CSGALNACT1: variants seen among roughly 807,000 people sequenced by gnomAD.
The protein encoded by CSGALNACT1 is chondroitin sulfate N-acetylgalactosaminyltransferase 1.
Under a neutral mutation model 51.0 loss-of-function variants are expected in CSGALNACT1, and 52 were observed. That is an observed-to-expected ratio of 1.02 (90% confidence interval 0.82 to 1.29). The LOEUF is 1.29. CSGALNACT1 is among the 50% of genes most tolerant of loss of function. CSGALNACT1 has a pLI of 0.00. For missense variants in CSGALNACT1, 935 were observed against 679.2 expected, an observed-to-expected ratio of 1.38 and a Z score of -4.19; for synonymous variants, 341 against 254.4, an observed-to-expected ratio of 1.34 and a Z score of -3.24.
chr8:19,677,089 A>C (rs190075590), intron 1 of CSGALNACT1, among the ~76,000 whole-genome samples: 115 of 150,032 alleles, frequency 7.7e-4, no homozygotes, highest in African/African-American at 2.2e-3. Context: ...CAGAAGCTAA[A>C]CAGAGGTGGC....
intron 2 of CSGALNACT1, among the ~76,000 whole-genome samples, chr8:19,597,407 C>T (rs1286006061): frequency 3.4e-5 from 5 of 148,030 alleles, no homozygotes; most frequent in Non-Finnish European, 7.4e-5. Flanking sequence ...GCAATCCTCC[C>T]GCCTTTGCTC....
At chr8:19,710,508 A>T (rs968675620) in intron 1 of CSGALNACT1, among the ~76,000 whole-genome samples, 1 of 152,246 alleles carries the variant, frequency 6.6e-6, no homozygotes, top group Non-Finnish European at 1.5e-5. Flanking sequence ...CAAAGAGTAC[A>T]TTGGTCAGAA....
intron 1 of CSGALNACT1, among the ~76,000 whole-genome samples, chr8:19,721,996 T>C (rs183745081): frequency 1.3e-3 from 180 of 142,026 alleles, no homozygotes; most frequent in African/African-American, 4.5e-3. Context: ...CTAGTAAGTC[T>C]TCGACTCAAG....
Position 19,664,128 on chromosome 8 carries a change from C to G in CSGALNACT1, c.-544+18345G>C, listed in dbSNP as rs190043054. On this transcript the variant is annotated intron_variant, in intron 1 of 9. Transcript: ENST00000332246. ...GGAAAGAGTTTATTTGCCATTACTTCTTGATATTGATATCCTCTCCTAAAT... is the reference window on the plus strand; with the variant it reads ...GGAAAGAGTTTATTTGCCATTACTTGTTGATATTGATATCCTCTCCTAAAT... Among the ~76,000 whole-genome samples the G allele has an allele frequency of 2.6e-5, 4 of 152,306 alleles. No individual in the cohort carries two copies. The South Asian group carries it at 6.2e-4, about 24-fold the overall frequency.
chr8:19,517,830 T>C (rs1053749545), intron 3 of CSGALNACT1, among the ~76,000 whole-genome samples: 3 of 152,096 alleles, frequency 2.0e-5, no homozygotes, highest in African/African-American at 7.3e-5. Context: ...GTGGGAATTA[T>C]AGGAGCTACA....
intron 3 of CSGALNACT1, among the ~76,000 whole-genome samples, chr8:19,576,387 T>A (rs1447616617): frequency 1.3e-5 from 2 of 152,110 alleles, no homozygotes; most frequent in Admixed American, 6.5e-5. Context: ...GAGACGGGGT[T>A]TCATTATGTT....
intron 4 of CSGALNACT1, among the ~76,000 whole-genome samples, chr8:19,472,574 A>G (rs142207009): frequency 6.6e-6 from 1 of 152,228 alleles, no homozygotes; most frequent in Non-Finnish European, 1.5e-5. Flanking sequence ...TGCAAATGCT[A>G]TGCTCCCAGA....
At chr8:19,484,742 G>C (rs1448556027) in intron 4 of CSGALNACT1, among the ~76,000 whole-genome samples, 1 of 152,190 alleles carries the variant, frequency 6.6e-6, no homozygotes, top group Non-Finnish European at 1.5e-5. Context: ...TGTGTTTGGA[G>C]AATACCAAGA....
At chr8:19,597,361 T>C (rs942765099) in intron 2 of CSGALNACT1, among the ~76,000 whole-genome samples, 3 of 138,200 alleles carry the variant, frequency 2.2e-5, no homozygotes, top group Admixed American at 1.6e-4. Context: ...AGTGATGTGA[T>C]CATAGCTCAC....
chr8:19,650,505 G>C (rs1006868149), intron 1 of CSGALNACT1, among the ~76,000 whole-genome samples: 17 of 152,144 alleles, frequency 1.1e-4, no homozygotes, highest in African/African-American at 3.6e-4. Flanking sequence ...ATTTTTTTCA[G>C]CTAAATCAAA....
intron 3 of CSGALNACT1, among the ~76,000 whole-genome samples, chr8:19,535,706 A>G (rs778342449): frequency 7.9e-5 from 12 of 152,168 alleles, no homozygotes; most frequent in Non-Finnish European, 1.8e-4. Flanking sequence ...ACACCATATT[A>G]GCAAGCCATA....
intron 5 of CSGALNACT1, among the ~76,000 whole-genome samples, chr8:19,446,358 C>T (rs905789964): frequency 5.9e-5 from 9 of 152,078 alleles, no homozygotes; most frequent in Admixed American, 2.6e-4. Flanking sequence ...AAATTGTCTA[C>T]GAAGCCTTTG....
At chr8:19,586,064 A>G (rs962354161) in intron 3 of CSGALNACT1, among the ~76,000 whole-genome samples, 15 of 152,084 alleles carry the variant, frequency 9.9e-5, no homozygotes, top group African/African-American at 3.6e-4. Flanking sequence ...TTAACATCAA[A>G]AAGAGTTGTA....
intron 1 of CSGALNACT1, among the ~76,000 whole-genome samples, chr8:19,680,732 T>G (rs891699612): frequency 1.3e-5 from 2 of 152,138 alleles, no homozygotes; most frequent in African/African-American, 4.8e-5. Context: ...GATCTATCAT[T>G]AGGCAATTTC....
intron 1 of CSGALNACT1, among the ~76,000 whole-genome samples, chr8:19,727,002 G>T (rs2063435023): frequency 2.0e-5 from 3 of 152,170 alleles, no homozygotes; most frequent in Non-Finnish European, 4.4e-5. Context: ...TTCCAGGAAT[G>T]AATAAACTCC....
At chr8:19,494,721 G>A (rs1422066638) in intron 4 of CSGALNACT1, among the ~76,000 whole-genome samples, 1 of 152,062 alleles carries the variant, frequency 6.6e-6, no homozygotes, top group East Asian at 1.9e-4. Flanking sequence ...AATTTCCTCT[G>A]GTTCTGTTCT....
chr8:19,532,854 T>A (rs1411611490), intron 3 of CSGALNACT1, among the ~76,000 whole-genome samples: 1 of 152,140 alleles, frequency 6.6e-6, no homozygotes, highest in Non-Finnish European at 1.5e-5. Flanking sequence ...ATACCCCACT[T>A]CTCTGTACTA....
rs1440696318 is a variant in CSGALNACT1, at chr8:19,615,301, T to A, written c.-543-13436A>T. ...CTGGGGGACAAAGTGAGACTCCATC[T>A]CCATCAATCAACTGATAAATAACGA... On this transcript the variant is annotated intron_variant, in intron 1 of 9. Transcript: ENST00000332246. Among the ~76,000 whole-genome samples, 4 of 152,322 alleles carry A rather than the reference T, an allele frequency of 2.6e-5. No homozygotes were observed. In the South Asian group the frequency reaches 6.2e-4, roughly 24 times the overall value.
rs1173028342 is a variant in CSGALNACT1, at chr8:19,479,996, C to T, written c.635-21354G>A. Among the ~76,000 whole-genome samples the T allele has an allele frequency of 7.9e-5, 12 of 152,286 alleles. No homozygotes were observed. In the South Asian group the frequency reaches 8.3e-4, roughly 11 times the overall value. Reference sequence around the variant, plus strand: ...AGTACAGAACCCTAAAATAACTGTTCTCAACATGGTAAGCTTATTTTCTTT... The same window carrying T: ...AGTACAGAACCCTAAAATAACTGTTTTCAACATGGTAAGCTTATTTTCTTT... On this transcript the variant is annotated intron_variant, in intron 4 of 9. Coordinates refer to ENST00000454498, the Ensembl canonical transcript of CSGALNACT1.
Sources: allele counts gnomAD v4.1 joint callset (sites outside exome capture counted in the v4.1 genomes callset), GRCh38; gene constraint gnomAD v4.1.1; transcripts MANE v1.5; gene names NCBI Gene and HGNC (gene_info 2026-07-23, HGNC 2026-07-21).